Variants in VGLL4 observed in about 807,000 individuals in gnomAD.
VGLL4 encodes the protein transcription cofactor vestigial-like protein 4.
In VGLL4, 7 loss-of-function variants were observed where a neutral mutation model predicts 21.0. The ratio of observed to expected loss-of-function variants is 0.33; its 90% CI spans 0.19 to 0.63. VGLL4 has a LOEUF of 0.63. Ranked by LOEUF, VGLL4 falls within the 20% of genes least tolerant of loss-of-function variation. The pLI is 0.78. For missense variants in VGLL4, 394 were observed against 425.7 expected, an observed-to-expected ratio of 0.93 and a Z score of 0.66; for synonymous variants, 222 against 173.2, an observed-to-expected ratio of 1.28 and a Z score of -2.21.
chr3:11,704,805 G>C (rs1244574144), intron 1 of VGLL4, among the ~76,000 whole-genome samples: 1 of 152,154 alleles, frequency 6.6e-6, no homozygotes, highest in Non-Finnish European at 1.5e-5. Context: ...GCATCTCAGG[G>C]AACATCTGGG....
At chr3:11,572,231 C>T (rs1260397042) in intron 2 of VGLL4, among the ~76,000 whole-genome samples, 1 of 152,160 alleles carries the variant, frequency 6.6e-6, no homozygotes, top group African/African-American at 2.4e-5. Flanking sequence ...AAATTCACTG[C>T]CCCACTGCAA....
At chr3:11,687,075 T>C (rs2076459658) in intron 2 of VGLL4, among the ~76,000 whole-genome samples, 1 of 152,192 alleles carries the variant, frequency 6.6e-6, no homozygotes, top group African/African-American at 2.4e-5. Flanking sequence ...CCTATGTCAG[T>C]ATTATCCCAT....
At chr3:11,647,324 A>C, upstream of VGLL4, among the ~76,000 whole-genome samples, 1 of 152,078 alleles carries the variant, frequency 6.6e-6, no homozygotes, top group Non-Finnish European at 1.5e-5. Context: ...CTACTCAGCA[A>C]ACATCCACTC....
intron 1 of VGLL4, among the ~76,000 whole-genome samples, chr3:11,610,084 C>T (rs1226987649): frequency 1.3e-5 from 2 of 152,298 alleles, no homozygotes; most frequent in African/African-American, 4.8e-5. Flanking sequence ...CCGCGCTGCA[C>T]TGATGTGTCT....
chr3:11,616,497 TTGTCCTTTGCTA>T (rs199681413), intron 1 of VGLL4, among the ~76,000 whole-genome samples: 2,222 of 152,352 alleles, frequency 0.015, 34 homozygotes, highest in Middle Eastern at 0.048. Context: ...AGCCCTGTCC[TTGTCCTTTGCTA>T]TGTCCTTTCA....
At position 11,601,796 on chromosome 3, in the gene VGLL4, A is replaced by T. The variant is rs1286624136; in HGVS notation, c.272+37T>A. ...CAAAACAAATAAGGCCCCAGCACGG[A>T]GCACCCTTAAGCCAAAATAAGAACA... is the stretch of plus-strand genomic sequence containing the variant. On this transcript the variant is annotated intron_variant, in intron 2 of 4. Transcript: ENST00000430365. 4 of 1,610,294 alleles carry T rather than the reference A, an allele frequency of 2.5e-6. No homozygotes were observed. In the Admixed American group the frequency reaches 6.7e-5, roughly 27 times the overall value.
chr3:11,678,718 T>C (rs756624722), intron 2 of VGLL4, among the ~76,000 whole-genome samples: 4 of 152,200 alleles, frequency 2.6e-5, no homozygotes, highest in Admixed American at 6.5e-5. Context: ...TCTTTGTTTA[T>C]GTTGGAAATT....
At chr3:11,600,043 C>T (rs1464927626) in intron 2 of VGLL4, among the ~76,000 whole-genome samples, 2 of 152,048 alleles carry the variant, frequency 1.3e-5, no homozygotes, top group South Asian at 4.1e-4. Context: ...ACCATATATA[C>T]ATATGTATAT....
intron 2 of VGLL4, among the ~76,000 whole-genome samples, chr3:11,589,924 G>A (rs1333773565): frequency 2.6e-5 from 4 of 152,194 alleles, no homozygotes; most frequent in Non-Finnish European, 5.9e-5. Flanking sequence ...CACATCGGGG[G>A]TTGAGGCTTC....
At chr3:11,615,034 G>A (rs2075136060) in intron 1 of VGLL4, among the ~76,000 whole-genome samples, 1 of 152,170 alleles carries the variant, frequency 6.6e-6, no homozygotes, top group South Asian at 2.1e-4. Flanking sequence ...TTTTCTTGCT[G>A]TGATTTTTGA....
intron 1 of VGLL4, among the ~76,000 whole-genome samples, chr3:11,628,564 T>C (rs1166865602): frequency 3.9e-5 from 6 of 152,158 alleles, no homozygotes; most frequent in Non-Finnish European, 8.8e-5. Flanking sequence ...CTCACGCCTG[T>C]AATCCCAGCA....
chr3:11,692,264 G>A (rs994011740), intron 2 of VGLL4, among the ~76,000 whole-genome samples: 1 of 152,106 alleles, frequency 6.6e-6, no homozygotes, highest in African/African-American at 2.4e-5. Flanking sequence ...CATTTATTAT[G>A]CTAATTTGAT....
At chr3:11,609,354 A>G (rs1241612106) in intron 1 of VGLL4, among the ~76,000 whole-genome samples, 1 of 152,244 alleles carries the variant, frequency 6.6e-6, no homozygotes, top group Non-Finnish European at 1.5e-5. Flanking sequence ...TGGTAGAAAA[A>G]GCAGATTCAA....
At chr3:11,702,169 G>A (rs11929594) in intron 2 of VGLL4, among the ~76,000 whole-genome samples, 106,393 of 151,850 alleles carry the variant, frequency 0.7, 37,580 homozygotes, top group African/African-American at 0.77. Flanking sequence ...CTAGCTCTCT[G>A]CTGGTCAATT....
intron 2 of VGLL4, among the ~76,000 whole-genome samples, chr3:11,651,085 C>T (rs556573133): frequency 3.3e-5 from 5 of 152,130 alleles, no homozygotes; most frequent in South Asian, 4.2e-4. Context: ...CGGTGGCTCA[C>T]GCCTGTAATC....
chr3:11,675,493 G>A (rs1014350926), intron 2 of VGLL4, among the ~76,000 whole-genome samples: 14 of 152,174 alleles, frequency 9.2e-5, no homozygotes, highest in Admixed American at 3.3e-4. Flanking sequence ...AACCAACTCA[G>A]ATGTGTTTGT....
At chr3:11,672,408 A>C (rs999949019) in intron 2 of VGLL4, among the ~76,000 whole-genome samples, 1 of 152,116 alleles carries the variant, frequency 6.6e-6, no homozygotes, top group African/African-American at 2.4e-5. Context: ...AAATTCTACT[A>C]TTCTAGTATT....
chr3:11,641,787 T>C (rs1193053161), intron 1 of VGLL4, among the ~76,000 whole-genome samples: 2 of 152,030 alleles, frequency 1.3e-5, no homozygotes, highest in Admixed American at 1.3e-4. Flanking sequence ...GCACTCTAGT[T>C]TCCTGGGTGT....
intron 2 of VGLL4, among the ~76,000 whole-genome samples, chr3:11,680,472 G>A (rs559255326): frequency 4.3e-4 from 66 of 152,282 alleles, no homozygotes; most frequent in African/African-American, 1.4e-3. Context: ...TCCTTGGCCT[G>A]AGGAAATCAA....
Sources: gnomAD v4.1 joint callset for allele counts (sites outside exome capture counted in the v4.1 genomes callset) on GRCh38, gnomAD v4.1.1 for gene constraint, MANE v1.5 for transcripts, NCBI Gene and HGNC (gene_info 2026-07-23, HGNC 2026-07-21) for gene names.